The following INSR variants were observed in gnomAD, a reference collection of about 807,000 sequenced individuals.
INSR encodes insulin receptor.
In INSR, 67 loss-of-function variants were observed where a neutral mutation model predicts 142.6. The ratio of observed to expected loss-of-function variants is 0.47; its 90% CI spans 0.39 to 0.58. The LOEUF is 0.58. Among genes scored for constraint, INSR ranks in the 20% least tolerant of loss-of-function variants. INSR has a pLI of 0.00. For synonymous variants in INSR, 756 were observed against 743.1 expected, an observed-to-expected ratio of 1.02 and a Z score of -0.28; for missense variants, 1,248 against 1,833.2, an observed-to-expected ratio of 0.68 and a Z score of 5.83.
intron 13 of INSR, among the ~76,000 whole-genome samples, chr19:7,137,476 G>T (rs1228857581): frequency 6.6e-6 from 1 of 151,966 alleles, no homozygotes; most frequent in Non-Finnish European, 1.5e-5. Flanking sequence ...TGGGCTCACT[G>T]CCAGGAGCCG....
intron 2 of INSR, among the ~76,000 whole-genome samples, chr19:7,211,961 CTG>C (rs1975288875): frequency 6.6e-6 from 1 of 152,138 alleles, no homozygotes; most frequent in Admixed American, 6.6e-5. Flanking sequence ...GACTCAGACT[CTG>C]GGGTGGATAA....
At chr19:7,234,691 A>G (rs1310490639) in intron 2 of INSR, among the ~76,000 whole-genome samples, 1 of 152,200 alleles carries the variant, frequency 6.6e-6, no homozygotes, top group Non-Finnish European at 1.5e-5. Context: ...TCAGGATCTA[A>G]GGAGGAGATT....
At position 7,119,807 on chromosome 19, in the gene INSR, CACAA is replaced by C. The variant is rs2144797482; in HGVS notation, c.3660-228_3660-225del. 7.7e-6 allele frequency among the ~76,000 whole-genome samples: 1 copy of C among 129,250 alleles called. No homozygotes were observed. The highest frequency in any genetic ancestry group is 2.5e-4 in the South Asian group (1 of 4,012). The allele number at this position is 129,250 out of a possible 152,430, so 84.8% of individuals were successfully genotyped here. A position where few individuals can be genotyped will look rare whatever the true frequency, so the allele number is the denominator to read the frequency against. On this transcript the variant is annotated intron_variant, in intron 20 of 21. Coordinates refer to ENST00000302850, the MANE Select transcript of INSR (RefSeq NM_000208.4). The surrounding 1 kb of genome is among the most constrained non-coding windows in gnomAD (Gnocchi z 5.2). ...ACATGCACACACAAATATGCAAACA[CACAA>C]ACACATATACACACACAAACACACA...
chr19:7,198,286 C>A (rs1974848451), intron 2 of INSR, among the ~76,000 whole-genome samples: 2 of 151,588 alleles, frequency 1.3e-5, no homozygotes, highest in South Asian at 2.1e-4. Flanking sequence ...CGCCGGGCTC[C>A]GCTCCCCAGA....
chr19:7,265,689 T>A (rs1967702446), intron 2 of INSR, among the ~76,000 whole-genome samples: 1 of 150,008 alleles, frequency 6.7e-6, no homozygotes, highest in Admixed American at 6.7e-5. Context: ...GAGCCGAGAT[T>A]GCACCATCGC....
chr19:7,231,306 T>G lies in INSR; in HGVS notation c.652+36039A>C, dbSNP rs1220498870. On this transcript the variant is annotated intron_variant, in intron 2 of 21. Coordinates refer to ENST00000302850, the MANE Select transcript of INSR (RefSeq NM_000208.4). The stretch of plus-strand genomic sequence containing the variant: ...TGGTGGTGTTTTTTGTTTTTTTTTT[T>G]TTTTTTTTTTTTGAGATGGAGTCTC... Among the ~76,000 whole-genome samples, 220 of 148,654 alleles carry G rather than the reference T, an allele frequency of 1.5e-3. 3 individuals are homozygous for G. Among genetic ancestry groups the G allele is most frequent in the Admixed American group, 2.0e-3 (30 of 14,944 alleles).
intron 2 of INSR, among the ~76,000 whole-genome samples, chr19:7,248,526 C>T (rs1449487516): frequency 8.6e-6 from 1 of 116,742 alleles, no homozygotes; most frequent in Non-Finnish European, 1.8e-5. Flanking sequence ...CCTCAACATA[C>T]ATACCCACCC....
intron 2 of INSR, among the ~76,000 whole-genome samples, chr19:7,230,372 G>C (rs1975932310): frequency 6.6e-6 from 1 of 152,188 alleles, no homozygotes; most frequent in Non-Finnish European, 1.5e-5. Flanking sequence ...TTTGAGCACA[G>C]TGCTGACCTT....
chr19:7,136,051 T>TG (rs1195227173), intron 13 of INSR, among the ~76,000 whole-genome samples: 1 of 152,158 alleles, frequency 6.6e-6, no homozygotes, highest in African/African-American at 2.4e-5. Context: ...CAGCAATGTA[T>TG]GAGGGTTCCG....
intron 2 of INSR, among the ~76,000 whole-genome samples, chr19:7,257,471 G>A (rs913653424): frequency 6.7e-6 from 1 of 148,848 alleles, no homozygotes; most frequent in African/African-American, 2.5e-5. Flanking sequence ...GAGGAGGGTG[G>A]AGTGGGGGCC....
chr19:7,140,773 C>CTT (rs34805383), intron 13 of INSR, among the ~76,000 whole-genome samples: 20 of 139,484 alleles, frequency 1.4e-4, no homozygotes, highest in African/African-American at 3.2e-4. Flanking sequence ...ATTAACGGCC[C>CTT]TTTTTTTTTT....
intron 9 of INSR, among the ~76,000 whole-genome samples, chr19:7,162,611 G>A (rs556908150): frequency 9.2e-4 from 140 of 151,860 alleles, no homozygotes; most frequent in African/African-American, 3.2e-3. Context: ...ACCTGAGGTC[G>A]GGAGTTTGAG....
chr19:7,157,532 G>A lies in INSR; in HGVS notation c.2030-4605C>T, dbSNP rs1181541039. ...CCCGCCTTGGCCTCCCAAAGTGCTG[G>A]GATTACAGGCATGAGCCATCGCACC... On this transcript the variant is annotated intron_variant, in intron 9 of 21. Coordinates refer to ENST00000302850, the MANE Select transcript of INSR (RefSeq NM_000208.4). Among the ~76,000 whole-genome samples the A allele has an allele frequency of 2.6e-5, 4 of 151,422 alleles. No homozygotes were observed. In the Admixed American group the frequency reaches 2.6e-4, roughly 10 times the overall value.
At chr19:7,157,072 C>T (rs1973614126) in intron 9 of INSR, among the ~76,000 whole-genome samples, 1 of 152,190 alleles carries the variant, frequency 6.6e-6, no homozygotes, top group South Asian at 2.1e-4. Flanking sequence ...GCTCTGCCTC[C>T]CGGGTTCACG....
chr19:7,158,369 C>A (rs10415781), intron 9 of INSR, among the ~76,000 whole-genome samples: 1 of 151,878 alleles, frequency 6.6e-6, no homozygotes, highest in Admixed American at 6.6e-5. Context: ...GGCGTGGTGG[C>A]GGGCGCCTGT....
At chr19:7,265,525 G>A (rs966609430) in intron 2 of INSR, among the ~76,000 whole-genome samples, 1 of 152,056 alleles carries the variant, frequency 6.6e-6, no homozygotes, top group African/African-American at 2.4e-5. Context: ...TGGATCACCT[G>A]AGAGTTCGAG....
At chr19:7,271,405 C>T (rs1229141984) in intron 1 of INSR, among the ~76,000 whole-genome samples, 1 of 152,036 alleles carries the variant, frequency 6.6e-6, no homozygotes, top group Non-Finnish European at 1.5e-5. Context: ...GAGTCTGAGG[C>T]AGGAGAATCA....
At chr19:7,139,553 C>A (rs1295716182) in intron 13 of INSR, among the ~76,000 whole-genome samples, 2 of 152,026 alleles carry the variant, frequency 1.3e-5, no homozygotes, top group African/African-American at 4.8e-5. Context: ...GGCATATGCA[C>A]GTTTCTGCCA....
At chr19:7,198,959 C>T (rs1025712788) in intron 2 of INSR, among the ~76,000 whole-genome samples, 2 of 152,006 alleles carry the variant, frequency 1.3e-5, no homozygotes, top group Non-Finnish European at 2.9e-5. Flanking sequence ...TCATCGCCCA[C>T]TGCAGCCTCA....
Sources: allele counts gnomAD v4.1 joint callset (sites outside exome capture counted in the v4.1 genomes callset), GRCh38; gene constraint gnomAD v4.1.1; non-coding constraint Gnocchi (gnomAD v3.1); transcripts MANE v1.5; gene names NCBI Gene and HGNC (gene_info 2026-07-23, HGNC 2026-07-21).